BCAS3: variants seen among roughly 807,000 people sequenced by gnomAD.
The protein encoded by BCAS3 is BCAS4/BCAS3 fusion.
Under a neutral mutation model 116.1 loss-of-function variants are expected in BCAS3, and 53 were observed. That is an observed-to-expected ratio of 0.46 (90% CI 0.37 to 0.57). The LOEUF is 0.57. BCAS3 is among the 20% of genes least tolerant of loss of function. The pLI is 0.00. For synonymous variants in BCAS3, 391 were observed against 408.2 expected (o/e 0.96, Z 0.51); for missense variants, 917 against 1,165.4 (o/e 0.79, Z 3.10).
chr17:61,366,839 G>A lies in BCAS3; in HGVS notation c.2426-1488G>A, dbSNP rs2058761538. ...GCCAAACTTGGCTGACGAAATTCAG[G>A]AGCCAGTAGTGACCCTTGCCACACA... On this transcript the variant is annotated intron_variant, in intron 22 of 23. Transcript: ENST00000407086. The surrounding 1 kb of genome is among the most constrained non-coding windows in gnomAD (Gnocchi z 4.5). Among the ~76,000 whole-genome samples the A allele has an allele frequency of 6.6e-6, 1 of 152,220 alleles. No individual in the cohort carries two copies. Among genetic ancestry groups the A allele is most frequent in the Non-Finnish European group, 1.5e-5 (1 of 68,044 alleles).
chr17:60,936,126 G>C (rs1265623940), intron 13 of BCAS3, among the ~76,000 whole-genome samples: 4 of 149,150 alleles, frequency 2.7e-5, no homozygotes, highest in African/African-American at 5.0e-5. Context: ...TTTTGTCCTT[G>C]TGATAGTTTG....
rs759976377 is a variant in BCAS3, at chr17:61,034,620, C to A, written c.1638-46C>A. The A allele has an allele frequency of 1.3e-5, 20 of 1,526,760 alleles. No homozygotes were observed. The highest frequency in any genetic ancestry group is 1.8e-5 in the Non-Finnish European group (20 of 1,113,814). The allele number at this position is 1,526,760 out of a possible 1,614,324, so 94.6% of individuals were successfully genotyped here. A position where few individuals can be genotyped will look rare whatever the true frequency, so the allele number is the denominator to read the frequency against. Reference sequence around the variant, plus strand: ...AAACTGTCATTACCTAAAGGAGTATCATTTCATCATGATAATTGTTTTTTA... The same window carrying A: ...AAACTGTCATTACCTAAAGGAGTATAATTTCATCATGATAATTGTTTTTTA... On this transcript the variant is annotated intron_variant, in intron 16 of 23. Coordinates refer to ENST00000407086, the MANE Select transcript of BCAS3 (RefSeq NM_017679.5). The surrounding 1 kb of genome is among the most constrained non-coding windows in gnomAD (Gnocchi z 5.0).
chr17:60,727,579 A>G (rs1039182397), intron 5 of BCAS3: 5 of 937,444 alleles, frequency 5.3e-6, no homozygotes, highest in Admixed American at 5.4e-5. Context: ...AAAGGAAAAA[A>G]CAGACTTTAT....
chr17:61,334,830 A>T (rs1441718359), intron 22 of BCAS3, among the ~76,000 whole-genome samples: 1 of 152,198 alleles, frequency 6.6e-6, no homozygotes, highest in East Asian at 1.9e-4. Flanking sequence ...TGTAACAGCA[A>T]CCGGTATTTA....
chr17:60,985,422 T>G (rs1291609651), intron 14 of BCAS3, among the ~76,000 whole-genome samples: 2 of 152,130 alleles, frequency 1.3e-5, no homozygotes, highest in Non-Finnish European at 2.9e-5. Context: ...TCTGGGATTA[T>G]GGGTGTGAGC....
chr17:61,268,150 C>T (rs1485982755), intron 22 of BCAS3, among the ~76,000 whole-genome samples: 1 of 152,120 alleles, frequency 6.6e-6, no homozygotes, highest in Non-Finnish European at 1.5e-5. Context: ...GTCTGTTTTG[C>T]ATTTGTCATT....
chr17:61,039,063 T>C (rs1366908459), intron 18 of BCAS3, among the ~76,000 whole-genome samples: 3 of 152,222 alleles, frequency 2.0e-5, no homozygotes, highest in Non-Finnish European at 4.4e-5. Context: ...CTCATCACCC[T>C]AAAAAGAAAC....
At chr17:60,940,713 A>G (rs772210459) in intron 13 of BCAS3, among the ~76,000 whole-genome samples, 19 of 152,344 alleles carry the variant, frequency 1.2e-4, no homozygotes, top group Middle Eastern at 3.4e-3. Context: ...TTCTTTTATG[A>G]ATGATATAAT....
chr17:60,843,455 G>T (rs2052172965), intron 7 of BCAS3, among the ~76,000 whole-genome samples: 1 of 152,016 alleles, frequency 6.6e-6, no homozygotes, highest in Non-Finnish European at 1.5e-5. Context: ...CTGATCTCAG[G>T]TGATCCACCC....
In BCAS3 at chr17:60,812,467, T is replaced by C. The variant is rs558773598; in HGVS notation, c.476+4391T>C. On this transcript the variant is annotated intron_variant, in intron 7 of 23. Coordinates refer to ENST00000407086, the MANE Select transcript of BCAS3 (RefSeq NM_017679.5). ...AGCAGAAGGAAGGGCACTTGTGACT[T>C]TTTGGAAAATTAAGGTGGTCCTTAG... Among the ~76,000 whole-genome samples, 6 of 152,242 alleles carry C rather than the reference T, an allele frequency of 3.9e-5. No individual in the cohort carries two copies. The East Asian group carries it at 7.7e-4, about 20-fold the overall frequency.
intron 6 of BCAS3, among the ~76,000 whole-genome samples, chr17:60,770,904 G>A (rs1434066868): frequency 1.5e-5 from 2 of 136,756 alleles, no homozygotes; most frequent in Admixed American, 1.6e-4. Context: ...CTGGAGGGCA[G>A]TGGCACGATC....
intron 10 of BCAS3, among the ~76,000 whole-genome samples, chr17:60,900,702 C>CTT (rs369375367): frequency 6.1e-5 from 9 of 147,366 alleles, no homozygotes; most frequent in African/African-American, 2.0e-4. Flanking sequence ...TGGCAAACTG[C>CTT]TTTTTTTTTT....
intron 6 of BCAS3, among the ~76,000 whole-genome samples, chr17:60,770,181 G>C (rs2044520416): frequency 6.6e-6 from 1 of 151,998 alleles, no homozygotes; most frequent in African/African-American, 2.4e-5. Flanking sequence ...TCTGTAGTCA[G>C]TTCCGTATGT....
chr17:60,787,396 C>A (rs898481819), intron 6 of BCAS3, among the ~76,000 whole-genome samples: 1 of 152,002 alleles, frequency 6.6e-6, no homozygotes, highest in African/African-American at 2.4e-5. Flanking sequence ...TATATCTTTC[C>A]TTTTTATTGC....
At position 60,994,282 on chromosome 17, in the gene BCAS3, T is replaced by G. The variant is rs566235464; in HGVS notation, c.1486+4047T>G. 6.6e-6 allele frequency among the ~76,000 whole-genome samples: 1 copy of G among 152,074 alleles called. No homozygotes were observed. The highest frequency in any genetic ancestry group is 2.4e-5 in the African/African-American group (1 of 41,422). On this transcript the variant is annotated intron_variant, in intron 15 of 23. Coordinates refer to ENST00000407086, the MANE Select transcript of BCAS3 (RefSeq NM_017679.5). The surrounding 1 kb of genome is among the most constrained non-coding windows in gnomAD (Gnocchi z 4.4). ...ATATAATATTTTAGTATTAATTGAT[T>G]ATATACATTACTATAACACTTTATT...
intron 6 of BCAS3, among the ~76,000 whole-genome samples, chr17:60,799,708 CTTT>C (rs67510415): frequency 2.6e-4 from 13 of 49,840 alleles, no homozygotes; most frequent in African/African-American, 7.8e-4. Flanking sequence ...TTTTTCTTTT[CTTT>C]TTTTTTTTTT....
chr17:60,989,480 T>TTTG (rs2063387002), intron 14 of BCAS3, among the ~76,000 whole-genome samples: 1 of 110,794 alleles, frequency 9.0e-6, no homozygotes, highest in Non-Finnish European at 1.6e-5. Flanking sequence ...AATAAAGTTG[T>TTTG]TTTTTTTTTT....
At position 61,013,267 on chromosome 17, in the gene BCAS3, A is replaced by G. The variant is rs2065229873; in HGVS notation, c.1487-2484A>G. Among the ~76,000 whole-genome samples, 2 of 152,228 alleles carry G rather than the reference A, an allele frequency of 1.3e-5. No individual in the cohort carries two copies. Among genetic ancestry groups the G allele is most frequent in the African/African-American group, 4.8e-5 (2 of 41,558 alleles). On this transcript the variant is annotated intron_variant, in intron 15 of 23. Transcript: ENST00000407086. The surrounding 1 kb of genome is among the most constrained non-coding windows in gnomAD (Gnocchi z 4.4). ...GATAACAAGGAAAACAGTCCCTTAC[A>G]GTGTTATCTTAAGCTAAGGCACTCA...
At position 60,882,383 on chromosome 17, in the gene BCAS3, T is replaced by C. The variant is rs995324231; in HGVS notation, c.662-7312T>C. Among the ~76,000 whole-genome samples, 12 of 147,092 alleles carry C rather than the reference T, an allele frequency of 8.2e-5. No homozygotes were observed. The East Asian group carries it at 1.6e-3, about 20-fold the overall frequency. On this transcript the variant is annotated intron_variant, in intron 9 of 23. Transcript: ENST00000407086. ...TAGGTTGCGAAAATTTTCTCCCATT[T>C]TGTAGGTGGCCTGTTCACTCTGACG...
Sources: allele counts gnomAD v4.1 joint callset (sites outside exome capture counted in the v4.1 genomes callset), GRCh38; gene constraint gnomAD v4.1.1; non-coding constraint Gnocchi (gnomAD v3.1); transcripts MANE v1.5; gene names NCBI Gene and HGNC (gene_info 2026-07-23, HGNC 2026-07-21).